PRKCA: variants seen among roughly 807,000 people sequenced by gnomAD.
PRKCA encodes the protein protein kinase C alpha.
PRKCA carries 27 observed loss-of-function variants against 87.0 expected under a neutral mutation model. That is an observed-to-expected ratio of 0.31 (90% confidence interval 0.23 to 0.43). PRKCA has a LOEUF of 0.43. Ranked by LOEUF, PRKCA falls within the 20% of genes least tolerant of loss-of-function variation. PRKCA has a pLI of 1.00. For missense variants in PRKCA, 518 were observed against 852.3 expected, an observed-to-expected ratio of 0.61 and a Z score of 4.88; for synonymous variants, 329 against 311.1, an observed-to-expected ratio of 1.06 and a Z score of -0.61.
At chr17:66,756,361 C>A (rs1433578601) in intron 13 of PRKCA, among the ~76,000 whole-genome samples, 2 of 152,136 alleles carry the variant, frequency 1.3e-5, no homozygotes, top group Admixed American at 1.3e-4. Context: ...AGGGGGGAGA[C>A]CAAGAAGCAC....
intron 2 of PRKCA, among the ~76,000 whole-genome samples, chr17:66,413,040 G>A (rs1209750733): frequency 6.6e-6 from 1 of 152,168 alleles, no homozygotes; most frequent in Non-Finnish European, 1.5e-5. Context: ...GTTCAGTTCA[G>A]TTCTGACGCT....
intron 2 of PRKCA, among the ~76,000 whole-genome samples, chr17:66,345,151 CT>C (rs1368103231): frequency 6.6e-6 from 1 of 152,172 alleles, no homozygotes; most frequent in Non-Finnish European, 1.5e-5. Context: ...ACTCTTATAC[CT>C]TATCTTGCTT....
At chr17:66,775,638 G>A in intron 14 of PRKCA, 2 of 985,440 alleles carry the variant, frequency 2.0e-6, no homozygotes, top group Non-Finnish European at 2.4e-6. Context: ...CAGAGACAAT[G>A]GAAAGAGATG....
chr17:66,385,170 G>T (rs904589665), intron 2 of PRKCA, among the ~76,000 whole-genome samples: 3 of 152,150 alleles, frequency 2.0e-5, no homozygotes, highest in Non-Finnish European at 4.4e-5. Flanking sequence ...ACTGTGTGGG[G>T]CTCAACTCCT....
At chr17:66,542,944 T>C (rs181940265) in intron 3 of PRKCA, among the ~76,000 whole-genome samples, 1 of 152,224 alleles carries the variant, frequency 6.6e-6, no homozygotes, top group Non-Finnish European at 1.5e-5. Context: ...GAAAATGTTA[T>C]AGTCATAAAA....
intron 3 of PRKCA, among the ~76,000 whole-genome samples, chr17:66,583,281 A>G (rs1344369243): frequency 6.6e-6 from 1 of 152,136 alleles, no homozygotes; most frequent in Non-Finnish European, 1.5e-5. Context: ...GCATTTTTTT[A>G]GGATTTGATT....
chr17:66,792,021 A>G lies in PRKCA; in HGVS notation c.1854+3042A>G, dbSNP rs1403437045. 2.0e-5 allele frequency among the ~76,000 whole-genome samples: 3 copies of G among 152,230 alleles called. No individual in the cohort carries two copies. The highest frequency in any genetic ancestry group is 4.8e-5 in the African/African-American group (2 of 41,458). On this transcript the variant is annotated intron_variant, in intron 16 of 16. Coordinates refer to ENST00000413366, the MANE Select transcript of PRKCA (RefSeq NM_002737.3). The surrounding 1 kb of genome is among the most constrained non-coding windows in gnomAD (Gnocchi z 4.5). Reference sequence around the variant, plus strand: ...CCTAAATAGTGCTGCTGGAGAAACGATCAGGCAAATGTCACACAGCTAGCG... The same window carrying G: ...CCTAAATAGTGCTGCTGGAGAAACGGTCAGGCAAATGTCACACAGCTAGCG...
intron 2 of PRKCA, among the ~76,000 whole-genome samples, chr17:66,399,331 T>C (rs1410764993): frequency 2.0e-5 from 3 of 152,088 alleles, no homozygotes; most frequent in Non-Finnish European, 2.9e-5. Context: ...TCCGCCCACA[T>C]TGGCTTCTCA....
At chr17:66,313,028 C>T (rs190203935) in intron 2 of PRKCA, among the ~76,000 whole-genome samples, 3 of 152,198 alleles carry the variant, frequency 2.0e-5, no homozygotes, top group Admixed American at 6.5e-5. Flanking sequence ...CGTGAGCTCC[C>T]GCGCCCCACC....
At chr17:66,774,415 G>A (rs1975003776) in intron 14 of PRKCA, 1 of 1,011,126 alleles carries the variant, frequency 9.9e-7, no homozygotes, top group Non-Finnish European at 1.2e-6. Flanking sequence ...GAGGTCAGGA[G>A]TTCGAGACCA....
At chr17:66,785,216 G>T (rs553837473) in intron 14 of PRKCA, among the ~76,000 whole-genome samples, 2 of 152,236 alleles carry the variant, frequency 1.3e-5, no homozygotes, top group South Asian at 4.1e-4. Flanking sequence ...CAGGTCTCGG[G>T]TGTTGGATGA....
chr17:66,517,244 A>G (rs897810924), intron 3 of PRKCA, among the ~76,000 whole-genome samples: 35 of 152,178 alleles, frequency 2.3e-4, no homozygotes, highest in Admixed American at 6.5e-5. Context: ...AGATTGGGCC[A>G]CTACACTCCA....
In PRKCA at chr17:66,351,877, C is replaced by A. The variant is rs73341555; in HGVS notation, c.205+45750C>A. Among the ~76,000 whole-genome samples, 423 of 152,222 alleles carry A rather than the reference C, an allele frequency of 2.8e-3. 4 individuals are homozygous for A. The highest frequency in any genetic ancestry group is 9.6e-3 in the African/African-American group (399 of 41,540). On this transcript the variant is annotated intron_variant, in intron 2 of 16. Transcript: ENST00000413366. Reference sequence around the variant, plus strand: ...GCACTGCTCTTTCACCCCGAGAACCCTGGGACTCACCCGTGCTTCTCTCCC... The same window carrying A: ...GCACTGCTCTTTCACCCCGAGAACCATGGGACTCACCCGTGCTTCTCTCCC...
At chr17:66,735,079 T>A (rs1973992645) in intron 9 of PRKCA, among the ~76,000 whole-genome samples, 1 of 152,220 alleles carries the variant, frequency 6.6e-6, no homozygotes, top group African/African-American at 2.4e-5. Flanking sequence ...TGGCCCCACA[T>A]TTCATAGACG....
chr17:66,397,620 CT>C (rs1036676248), intron 2 of PRKCA, among the ~76,000 whole-genome samples: 1 of 150,962 alleles, frequency 6.6e-6, no homozygotes, highest in African/African-American at 2.4e-5. Flanking sequence ...TGCCCTTTTT[CT>C]TTTTTTTTCC....
intron 2 of PRKCA, among the ~76,000 whole-genome samples, chr17:66,329,058 G>T (rs1906165221): frequency 6.6e-6 from 1 of 152,208 alleles, no homozygotes; most frequent in African/African-American, 2.4e-5. Flanking sequence ...CTAACTAGAA[G>T]TGGGCAAGAA....
Position 66,321,958 on chromosome 17 carries a change from A to T in PRKCA, c.205+15831A>T, listed in dbSNP as rs182435575. Among the ~76,000 whole-genome samples, 24 of 152,302 alleles carry T rather than the reference A, an allele frequency of 1.6e-4. No homozygotes were observed. The East Asian group carries it at 4.6e-3, about 29-fold the overall frequency. ...GATCAAACCATCCTTGGCTCTAACA[A>T]CTGGAGTTCTTTCTCATCATTACCC... On this transcript the variant is annotated intron_variant, in intron 2 of 16. Coordinates refer to ENST00000413366, the MANE Select transcript of PRKCA (RefSeq NM_002737.3).
intron 14 of PRKCA, chr17:66,775,119 T>C (rs183266452): frequency 2.0e-6 from 2 of 985,260 alleles, no homozygotes; most frequent in Non-Finnish European, 2.4e-6. Flanking sequence ...CCCTACAAGA[T>C]GGTGGTGCTG....
chr17:66,364,851 A>G (rs779738448), intron 2 of PRKCA, among the ~76,000 whole-genome samples: 8 of 152,018 alleles, frequency 5.3e-5, no homozygotes, highest in Non-Finnish European at 1.2e-4. Flanking sequence ...TTTTAGACCA[A>G]TTTTGATGTG....
Sources: allele counts gnomAD v4.1 joint callset (sites outside exome capture counted in the v4.1 genomes callset), GRCh38; gene constraint gnomAD v4.1.1; non-coding constraint Gnocchi (gnomAD v3.1); transcripts MANE v1.5; gene names NCBI Gene and HGNC (gene_info 2026-07-23, HGNC 2026-07-21).